CFAP54: variants seen among roughly 807,000 people sequenced by gnomAD.
CFAP54 encodes the protein cilia- and flagella-associated protein 54.
A neutral mutation model predicts 370.4 loss-of-function variants in CFAP54; 290 were observed. That is an observed-to-expected ratio of 0.78 (90% CI 0.71 to 0.86). The LOEUF (loss-of-function observed/expected upper bound fraction) is 0.86, where lower values mean the gene tolerates loss of function less well. Ranked by LOEUF, CFAP54 falls within the 40% of genes least tolerant of loss-of-function variation. The pLI is 0.00. For missense variants in CFAP54, 3,399 were observed against 3,528.7 expected (o/e 0.96, Z 0.93); for synonymous variants, 1,206 against 1,236.5 (o/e 0.98, Z 0.52).
At chr12:96,725,418 A>C (rs1263632981) in intron 50 of CFAP54, among the ~76,000 whole-genome samples, 1 of 152,066 alleles carries the variant, frequency 6.6e-6, no homozygotes, top group Non-Finnish European at 1.5e-5. Context: ...ATTCCTAAGT[A>C]TTTTATTCTC....
At chr12:96,628,563 C>T (rs1370701129) in intron 30 of CFAP54, among the ~76,000 whole-genome samples, 3 of 152,184 alleles carry the variant, frequency 2.0e-5, no homozygotes, top group Non-Finnish European at 4.4e-5. Flanking sequence ...CAGTCTTAGG[C>T]TGCAAGTTGT....
intron 60 of CFAP54, among the ~76,000 whole-genome samples, chr12:96,772,573 A>G (rs1314981745): frequency 6.6e-6 from 1 of 150,676 alleles, no homozygotes; most frequent in East Asian, 1.9e-4. Flanking sequence ...AAGTCAGTTG[A>G]TAGGTGATTG....
At chr12:96,669,967 C>T (rs1199539190) in intron 39 of CFAP54, among the ~76,000 whole-genome samples, 1 of 152,152 alleles carries the variant, frequency 6.6e-6, no homozygotes, top group Non-Finnish European at 1.5e-5. Flanking sequence ...TAGGCTTCAG[C>T]TATACAGCAG....
chr12:96,729,194 A>C (rs997692265), intron 50 of CFAP54, among the ~76,000 whole-genome samples: 1 of 152,144 alleles, frequency 6.6e-6, no homozygotes, highest in East Asian at 1.9e-4. Flanking sequence ...TGGGAGAACC[A>C]CTGCTCCCTT....
At chr12:96,544,209 C>T (rs1217398042) in intron 14 of CFAP54, among the ~76,000 whole-genome samples, 1 of 83,814 alleles carries the variant, frequency 1.2e-5, no homozygotes, top group Non-Finnish European at 2.3e-5. Flanking sequence ...TTGTTGTCCG[C>T]AGTTCCTGGC....
chr12:96,515,339 C>T (rs1955218899), intron 5 of CFAP54, among the ~76,000 whole-genome samples: 1 of 148,402 alleles, frequency 6.7e-6, no homozygotes, highest in Non-Finnish European at 1.5e-5. Flanking sequence ...TGGTGCCAGT[C>T]TTGTGGGATG....
At chr12:96,664,982 G>GT (rs1213030526) in intron 39 of CFAP54, among the ~76,000 whole-genome samples, 4 of 151,364 alleles carry the variant, frequency 2.6e-5, no homozygotes, top group Non-Finnish European at 5.9e-5. Context: ...AGCATCTGTT[G>GT]TTTTTTTACT....
At chr12:96,674,343 T>TTA (rs1957179913) in intron 39 of CFAP54, among the ~76,000 whole-genome samples, 4 of 139,812 alleles carry the variant, frequency 2.9e-5, no homozygotes. Flanking sequence ...TTTCTTTTTT[T>TTA]TTTTTTTTTG....
intron 33 of CFAP54, chr12:96,646,223 A>G (rs1956789481): frequency 6.6e-6 from 1 of 152,246 alleles, no homozygotes; most frequent in African/African-American, 2.4e-5. Flanking sequence ...GCTAATATCC[A>G]GAATCTACAA....
rs554942258 is a variant in CFAP54 at position 96,874,652 on chromosome 12, C to T, written c.*15-466C>T. Among the ~76,000 whole-genome samples, 111 of 53,958 alleles carry T rather than the reference C, an allele frequency of 2.1e-3. No individual in the cohort carries two copies. The East Asian group carries it at 0.056, about 27-fold the overall frequency. The allele number at this position is 53,958 out of a possible 152,430, so 35.4% of individuals were successfully genotyped here. ...ATTTTATTTTTTTTTTTTTTTGAGA[C>T]GGAGTCTCGCTCTGTCGCCCAGGCT... is the stretch of plus-strand genomic sequence containing the variant. On this transcript the variant is annotated intron_variant, in intron 67 of 67. Coordinates refer to ENST00000524981, the MANE Select transcript of CFAP54 (RefSeq NM_001306084.2).
At chr12:96,853,451 A>G (rs1959610314) in intron 66 of CFAP54, among the ~76,000 whole-genome samples, 1 of 152,176 alleles carries the variant, frequency 6.6e-6, no homozygotes, top group African/African-American at 2.4e-5. Flanking sequence ...TGATGATTAC[A>G]TGAATATATT....
At chr12:96,597,172 G>A (rs566572262) in intron 25 of CFAP54, among the ~76,000 whole-genome samples, 1 of 152,070 alleles carries the variant, frequency 6.6e-6, no homozygotes, top group African/African-American at 2.4e-5. Flanking sequence ...AATTTATCCT[G>A]TAGAATAAAA....
chr12:96,576,523 A>G lies in CFAP54; in HGVS notation c.2620-62A>G, dbSNP rs1955977778. The G allele has an allele frequency of 4.0e-6, 5 of 1,235,208 alleles. No homozygotes were observed. In the South Asian group the frequency reaches 8.4e-5, roughly 21 times the overall value. 76.5% of individuals were successfully genotyped at this position (1,235,208 alleles called of 1,614,324 possible). On this transcript the variant is annotated intron_variant, in intron 19 of 67. Coordinates refer to ENST00000524981, the MANE Select transcript of CFAP54 (RefSeq NM_001306084.2). ...CATTGTTTAACATCACTAGAATTCT[A>G]TAAACGTAAATAGAGTTCAAGCTCT... is the stretch of plus-strand genomic sequence containing the variant.
chr12:96,505,211 A>G (rs7137075), intron 3 of CFAP54, among the ~76,000 whole-genome samples: 79,058 of 151,116 alleles, frequency 0.52, 21,119 homozygotes, highest in East Asian at 0.69. Context: ...TTACAGGCGC[A>G]TACCACCATG....
At chr12:96,630,780 A>G (rs773295945) in intron 32 of CFAP54, 129 bp downstream of exon 32, 10 of 455,824 alleles carry the variant, frequency 2.2e-5, no homozygotes, top group Non-Finnish European at 3.8e-5. Flanking sequence ...GAACTTACAT[A>G]CTAATGAAAA....
intron 50 of CFAP54, among the ~76,000 whole-genome samples, chr12:96,731,156 A>C (rs568584910): frequency 6.6e-6 from 1 of 152,350 alleles, no homozygotes; most frequent in African/African-American, 2.4e-5. Flanking sequence ...CAGCAGCCCC[A>C]AACTGTACTA....
intron 39 of CFAP54, among the ~76,000 whole-genome samples, chr12:96,664,688 GGTATATATCT>G (rs1565934094): frequency 2.3e-5 from 2 of 88,836 alleles, no homozygotes; most frequent in African/African-American, 1.0e-4. Context: ...TATTCCTTTG[GGTATATATCT>G]ATATATATAT....
At chr12:96,573,047 G>A (rs1411811952) in intron 19 of CFAP54, 12 of 985,356 alleles carry the variant, frequency 1.2e-5, no homozygotes, top group Non-Finnish European at 1.4e-5. Context: ...CAGTGGAGAT[G>A]GAGGTCAAAG....
intron 38 of CFAP54, among the ~76,000 whole-genome samples, chr12:96,659,088 C>T (rs535369867): frequency 4.6e-5 from 7 of 152,256 alleles, no homozygotes; most frequent in East Asian, 1.9e-4. Context: ...GGCACGGTCT[C>T]GGCTCACTGC....
Sources: gnomAD v4.1 joint callset for allele counts (sites outside exome capture counted in the v4.1 genomes callset) on GRCh38, gnomAD v4.1.1 for gene constraint, MANE v1.5 for transcripts, NCBI Gene and HGNC (gene_info 2026-07-23, HGNC 2026-07-21) for gene names.